Variants in GALK1 observed in about 807,000 individuals in gnomAD.
GALK1 encodes the protein galactokinase.
Under a neutral mutation model 38.6 loss-of-function variants are expected in GALK1, and 30 were observed. The ratio of observed to expected loss-of-function variants is 0.78; its 90% CI spans 0.58 to 1.05. GALK1 has a LOEUF of 1.05. GALK1 is among the 50% of genes least tolerant of loss of function. The pLI, the probability that GALK1 is intolerant of heterozygous loss-of-function variation, is 0.00. For missense variants in GALK1, 512 were observed against 540.5 expected, an observed-to-expected ratio of 0.95 and a Z score of 0.52; for synonymous variants, 240 against 233.6, an observed-to-expected ratio of 1.03 and a Z score of -0.25.
At chr17:75,758,684 T>C (rs2061569482) in intron 5 of GALK1, 85 bp from the exon 6 acceptor site, 4 of 1,502,586 alleles carry the variant, frequency 2.7e-6, no homozygotes, top group African/African-American at 1.4e-5. Context: ...GTGATGGCAG[T>C]GGCCCTGGCT....
chr17:75,753,633 C>A, downstream of GALK1: 1 of 544,862 alleles, frequency 1.8e-6, no homozygotes, highest in South Asian at 8.1e-5. Context: ...TACCCCCGCC[C>A]CCAACACACA....
downstream of GALK1, chr17:75,756,291 T>C: frequency 2.3e-6 from 2 of 859,000 alleles, no homozygotes; most frequent in South Asian, 3.1e-5. Context: ...TACCATACTG[T>C]ACCCAACCTG....
In GALK1 at chr17:75,758,382, G is replaced by A; in HGVS notation, c.945-10C>T. 1 of 1,585,198 alleles carries A rather than the reference G, an allele frequency of 6.3e-7. No individual in the cohort carries two copies. The highest frequency in any genetic ancestry group is 8.6e-7 in the Non-Finnish European group (1 of 1,166,360). On this transcript the variant is annotated splice_polypyrimidine_tract_variant and intron_variant, in intron 6 of 7. Transcript: ENST00000588479. The stretch of plus-strand genomic sequence containing the variant: ...CACCTCATAGTCGTCTCTGCAGAGA[G>A]GATATTGAAGGGGTGGGCCTGGGCC...
downstream of GALK1, chr17:75,757,198 A>G: frequency 2.5e-6 from 4 of 1,611,388 alleles, no homozygotes; most frequent in Non-Finnish European, 2.5e-6. Context: ...TGCCCACCCC[A>G]GGACCCTTCC....
downstream of GALK1, chr17:75,755,802 G>A (rs761507638): frequency 1.4e-5 from 23 of 1,610,242 alleles, no homozygotes; most frequent in Admixed American, 3.3e-5. Context: ...GCCGCGGTGC[G>A]AGCGGCCGCT....
intron 5 of GALK1, among the ~76,000 whole-genome samples, chr17:75,759,369 A>T (rs1388958828): frequency 6.6e-6 from 1 of 151,868 alleles, no homozygotes; most frequent in Non-Finnish European, 1.5e-5. Flanking sequence ...CGGAGGTTGC[A>T]GTGAGTGGAG....
intron 2 of GALK1, 133 bp from the exon 3 acceptor site, chr17:75,763,572 GCCA>G (rs2061597556): frequency 9.6e-7 from 1 of 1,037,412 alleles, no homozygotes; most frequent in Non-Finnish European, 1.4e-6. Flanking sequence ...ATTGTCAGAA[GCCA>G]CCAACCTGCT....
At chr17:75,756,517 C>G (rs530315339), downstream of GALK1, 2 of 1,613,344 alleles carry the variant, frequency 1.2e-6, no homozygotes, top group African/African-American at 2.7e-5. Context: ...ACGTGTTCCG[C>G]GTGCGGGCCC....
downstream of GALK1, chr17:75,757,342 T>C: frequency 1.9e-6 from 3 of 1,612,340 alleles, no homozygotes; most frequent in Non-Finnish European, 2.5e-6. Flanking sequence ...ATCCCGGCTC[T>C]CCTGGGACAG....
Position 75,765,090 on chromosome 17 carries a change from G to C in GALK1, c.47C>G (p.Ala16Gly). 2 of 1,592,276 alleles carry C rather than the reference G, an allele frequency of 1.3e-6. No homozygotes were observed. Among genetic ancestry groups the C allele is most frequent in the Non-Finnish European group, 1.7e-6 (2 of 1,170,654 alleles). ...GAACTCCTCCCGGAAGGCTCGCCGGGCCTCGGCCAGCAGCTCCGCGACCTG... is the reference window on the plus strand; with the variant it reads ...GAACTCCTCCCGGAAGGCTCGCCGGCCCTCGGCCAGCAGCTCCGCGACCTG... Reference protein sequence around the residue: ...QPQVAELLAEARRAFREEFGA... With the variant: ...QPQVAELLAEGRRAFREEFGA... The change falls in exon 1 of 8, where the codon GCC becomes GGC. Residue 16 changes from alanine to glycine, a missense_variant. Physicochemically the swap from Ala to Gly is moderately conservative, Grantham distance 60. Transcript: ENST00000588479.
chr17:75,758,310 G>A lies in GALK1; in HGVS notation c.1007C>T (p.Pro336Leu). The change falls in exon 7 of 8, where the codon CCT (proline) becomes CTT (leucine). Residue 336 changes from proline to leucine, a missense_variant. Physicochemically the swap from Pro to Leu is moderately conservative, Grantham distance 98. Transcript: ENST00000588479. ...CGTCATGCGGCTGCCATAAACCCCAGGCACAGCAAGCGCAGCCTCCACCAG... is the reference window on the plus strand; with the variant it reads ...CGTCATGCGGCTGCCATAAACCCCAAGCACAGCAAGCGCAGCCTCCACCAG... ...DQLVEAALAV[P>L]GVYGSRMTGG... 1 of 1,594,088 alleles carries A rather than the reference G, an allele frequency of 6.3e-7. No homozygotes were observed. The highest frequency in any genetic ancestry group is 8.5e-7 in the Non-Finnish European group (1 of 1,171,302).
chr17:75,765,042 A>T lies in GALK1; in HGVS notation c.95T>A (p.Val32Glu). Residue 32 changes from valine to glutamate, a missense_variant, in exon 1 of 8, where the codon GTG (valine) becomes GAG (glutamate). By Grantham distance (121) the Val-to-Glu change is moderately radical (BLOSUM62 -2). Transcript: ENST00000588479. ...GAGGTTGACGCGGCCCGGCGCTGACACGGCCAGCTCGGGCTCGGCCCCGAA... is the reference window on the plus strand; with the variant it reads ...GAGGTTGACGCGGCCCGGCGCTGACTCGGCCAGCTCGGGCTCGGCCCCGAA... ...EEFGAEPELA[V>E]SAPGRVNLIG... The T allele has an allele frequency of 6.2e-7, 1 of 1,608,688 alleles. No individual in the cohort carries two copies. Among genetic ancestry groups the T allele is most frequent in the Non-Finnish European group, 8.5e-7 (1 of 1,178,164 alleles).
chr17:75,757,135 C>G (rs1362528304), downstream of GALK1: 2 of 1,612,840 alleles, frequency 1.2e-6, no homozygotes, highest in Non-Finnish European at 1.7e-6. Context: ...CCTTCACCCC[C>G]ACCCCTCCTC....
rs1030442171 is a variant in GALK1 at position 75,762,704 on chromosome 17, C to G, written c.793G>C (p.Ala265Pro). ...LREVQLEELE[A>P]ARDLVSKEGF... ...GATAGAGCACCCTGGCAGTTCTCAC[C>G]CTCTAGCTCTTCCAGTTGTACCTCC... The change falls in exon 5 of 8, where the codon GCT becomes CCT. Residue 265 changes from alanine (A) to proline (P), a missense_variant and splice_region_variant. Transcript: ENST00000588479. 1 of 1,613,596 alleles carries G rather than the reference C, an allele frequency of 6.2e-7. No individual in the cohort carries two copies. Among genetic ancestry groups the G allele is most frequent in the Non-Finnish European group, 8.5e-7 (1 of 1,180,012 alleles).
chr17:75,754,067 C>G, downstream of GALK1: 1 of 569,020 alleles, frequency 1.8e-6, no homozygotes, highest in Non-Finnish European at 2.7e-6. Context: ...GCCTCGGGGG[C>G]CCCAGTTTCA....
At chr17:75,761,439 A>G (rs1256997620) in intron 5 of GALK1, among the ~76,000 whole-genome samples, 3 of 150,072 alleles carry the variant, frequency 2.0e-5, no homozygotes, top group Non-Finnish European at 4.4e-5. Flanking sequence ...GGCCAACATG[A>G]AACCCCGTCT....
chr17:75,765,099 A>G lies in GALK1; in HGVS notation c.38T>C (p.Leu13Pro). ...ALRQPQVAELLAEARRAFREE... is the reference protein window; with the variant it reads ...ALRQPQVAELPAEARRAFREE... ...CCGGAAGGCTCGCCGGGCCTCGGCC[A>G]GCAGCTCCGCGACCTGGGGCTGTCT... The change falls in exon 1 of 8, where the codon CTG becomes CCG. Residue 13 changes from leucine (L) to proline (P), a missense_variant. Transcript: ENST00000588479. 11 of 1,589,558 alleles carry G rather than the reference A, an allele frequency of 6.9e-6. No individual in the cohort carries two copies. The highest frequency in any genetic ancestry group is 2.3e-5 in the East Asian group (1 of 43,684).
rs371641311 is a variant in GALK1, at chr17:75,763,963, G to T, written c.289C>A (p.Arg97Ser). The T allele has an allele frequency of 6.2e-7, 1 of 1,613,206 alleles. No homozygotes were observed. The highest frequency in any genetic ancestry group is 1.3e-5 in the African/African-American group (1 of 75,042). ...CGAGGAGTCCCAGGCTCCAGCGAGC[G>T]CTGGGCTGTGGGCAGTGGAAACTGC... is the stretch of plus-strand genomic sequence containing the variant. ...RLQFPLPTAQ[R>S]SLEPGTPRWA... Residue 97 changes from arginine to serine, a missense_variant, in exon 2 of 8, where the codon CGC becomes AGC. Arg to Ser is a moderately radical substitution (Grantham distance 110). Coordinates refer to ENST00000588479, the MANE Select transcript of GALK1 (RefSeq NM_000154.2).
At chr17:75,757,651 G>T (rs753961263), downstream of GALK1, 4 of 1,541,946 alleles carry the variant, frequency 2.6e-6, no homozygotes, top group Non-Finnish European at 3.6e-6. Context: ...ACCCCTGGGG[G>T]CCCAGCCCAC....
Sources: gnomAD v4.1 joint callset for allele counts (sites outside exome capture counted in the v4.1 genomes callset) on GRCh38, gnomAD v4.1.1 for gene constraint, MANE v1.5 for transcripts, NCBI Gene and HGNC (gene_info 2026-07-23, HGNC 2026-07-21) for gene names.